Variants in TTC27 observed in about 807,000 individuals in gnomAD.
TTC27 encodes the protein tetratricopeptide repeat domain 27.
Under a neutral mutation model 115.9 loss-of-function variants are expected in TTC27, and 79 were observed. That is an observed-to-expected ratio of 0.68 (90% CI 0.57 to 0.82). TTC27 has a LOEUF of 0.82. Ranked by LOEUF, TTC27 falls within the 40% of genes least tolerant of loss-of-function variation. The pLI, the probability that TTC27 is intolerant of heterozygous loss-of-function variation, is 0.00. For synonymous variants in TTC27, 401 were observed against 356.0 expected, an observed-to-expected ratio of 1.13 and a Z score of -1.42; for missense variants, 1,054 against 993.1, an observed-to-expected ratio of 1.06 and a Z score of -0.82.
At chr2:32,815,235 T>TTTTC (rs1671461293) in intron 18 of TTC27, among the ~76,000 whole-genome samples, 1 of 118,846 alleles carries the variant, frequency 8.4e-6, no homozygotes, top group Non-Finnish European at 1.7e-5. Context: ...TTTTTTTTTT[T>TTTTC]TTTTTTTTTT....
At chr2:32,804,701 C>G (rs1403415938) in intron 16 of TTC27, among the ~76,000 whole-genome samples, 2 of 150,752 alleles carry the variant, frequency 1.3e-5, no homozygotes, top group Non-Finnish European at 3.0e-5. Context: ...TGTGATTGGC[C>G]GATGGACCCA....
intron 15 of TTC27, among the ~76,000 whole-genome samples, chr2:32,785,936 T>TGG (rs144971220): frequency 2.6e-4 from 29 of 112,568 alleles, no homozygotes; most frequent in Non-Finnish European, 4.4e-4. Flanking sequence ...AATTTCCAGT[T>TGG]ATTTTATTCA....
chr2:32,668,077 G>T (rs546568479), intron 7 of TTC27, among the ~76,000 whole-genome samples: 1 of 151,914 alleles, frequency 6.6e-6, no homozygotes, highest in South Asian at 2.1e-4. Context: ...TGTAGTCCCA[G>T]CTACTCAGGA....
At chr2:32,655,228 G>A (rs752814492) in intron 5 of TTC27, among the ~76,000 whole-genome samples, 14 of 152,132 alleles carry the variant, frequency 9.2e-5, no homozygotes, top group Middle Eastern at 3.4e-3. Context: ...CTGATCTCAT[G>A]ATCTGCTTGC....
chr2:32,699,015 T>G (rs1667094656), intron 9 of TTC27, among the ~76,000 whole-genome samples: 1 of 152,208 alleles, frequency 6.6e-6, no homozygotes, highest in Non-Finnish European at 1.5e-5. Flanking sequence ...CACCAGTCAC[T>G]GTTAGTTTTC....
At chr2:32,754,878 AC>A (rs1246449315) in intron 12 of TTC27, among the ~76,000 whole-genome samples, 12 of 136,454 alleles carry the variant, frequency 8.8e-5, no homozygotes, top group Middle Eastern at 4.2e-3. Flanking sequence ...GGGGGGGCTG[AC>A]CCCCCCCACC....
chr2:32,717,006 T>A (rs74177024), intron 10 of TTC27, among the ~76,000 whole-genome samples: 1,140 of 82,112 alleles, frequency 0.014, 8 homozygotes, highest in Non-Finnish European at 0.02. Flanking sequence ...GATTTTTTTT[T>A]AATTTTTTTT....
In TTC27 at chr2:32,755,597, GGAAAGAGAGGGAGA is replaced by G. The variant is rs1334175417; in HGVS notation, c.1453-2693_1453-2680del. Among the ~76,000 whole-genome samples, 601 of 148,086 alleles carry G rather than the reference GGAAAGAGAGGGAGA, an allele frequency of 4.1e-3. 1 individual carries two copies. Among genetic ancestry groups the G allele is most frequent in the South Asian group, 6.7e-3 (30 of 4,472 alleles). On this transcript the variant is annotated intron_variant, in intron 12 of 19. Transcript: ENST00000317907. ...GGAAAGAGAGGGAGAGGGAGACGGT[GGAAAGAGAGGGAGA>G]GGGAGACCGTGGGGAGACGGAGAGG...
At chr2:32,665,050 T>C (rs908226911) in intron 6 of TTC27, among the ~76,000 whole-genome samples, 1 of 152,022 alleles carries the variant, frequency 6.6e-6, no homozygotes, top group African/African-American at 2.4e-5. Context: ...TTTCACCATG[T>C]TGGCCAGGCT....
At chr2:32,772,256 T>G (rs1669853061) in intron 13 of TTC27, among the ~76,000 whole-genome samples, 2 of 152,196 alleles carry the variant, frequency 1.3e-5, no homozygotes, top group African/African-American at 4.8e-5. Flanking sequence ...CACACTTGGG[T>G]TGAGGAACCA....
chr2:32,757,899 A>C (rs1156309373), intron 12 of TTC27, among the ~76,000 whole-genome samples: 1 of 152,120 alleles, frequency 6.6e-6, no homozygotes, highest in Non-Finnish European at 1.5e-5. Flanking sequence ...ACAGGGTTTC[A>C]CCATATTGGC....
At chr2:32,719,387 A>C (rs1342707283) in intron 10 of TTC27, among the ~76,000 whole-genome samples, 1 of 152,210 alleles carries the variant, frequency 6.6e-6, no homozygotes, top group African/African-American at 2.4e-5. Context: ...AACCCAGATA[A>C]CAGGTATTGA....
At chr2:32,663,056 C>T (rs1421633674) in intron 5 of TTC27, among the ~76,000 whole-genome samples, 14 of 152,132 alleles carry the variant, frequency 9.2e-5, no homozygotes, top group Admixed American at 7.2e-4. Context: ...CCAGGTTGAC[C>T]AGACTGCTGT....
intron 9 of TTC27, among the ~76,000 whole-genome samples, chr2:32,688,622 A>G (rs1666715954): frequency 6.6e-6 from 1 of 152,146 alleles, no homozygotes; most frequent in Non-Finnish European, 1.5e-5. Context: ...AGACACTTGA[A>G]CAAAGATATA....
intron 16 of TTC27, among the ~76,000 whole-genome samples, chr2:32,790,840 G>A (rs1277085408): frequency 6.6e-6 from 1 of 152,076 alleles, no homozygotes; most frequent in Non-Finnish European, 1.5e-5. Flanking sequence ...TATTTCATCA[G>A]TTCTAATAGT....
intron 15 of TTC27, among the ~76,000 whole-genome samples, chr2:32,784,733 G>A (rs976636714): frequency 6.6e-6 from 1 of 152,132 alleles, no homozygotes. Context: ...TATGATTAGG[G>A]GGATCATAAG....
chr2:32,795,915 G>C (rs1291918761), intron 16 of TTC27, among the ~76,000 whole-genome samples: 2 of 151,880 alleles, frequency 1.3e-5, no homozygotes, highest in Admixed American at 1.3e-4. Context: ...ACAATTCAAG[G>C]ATGCTTGCTT....
intron 12 of TTC27, among the ~76,000 whole-genome samples, chr2:32,740,278 C>G (rs1668586197): frequency 6.6e-6 from 1 of 152,152 alleles, no homozygotes; most frequent in Admixed American, 6.5e-5. Context: ...TCTCTTGTTT[C>G]AAGGAAGCAA....
intron 16 of TTC27, among the ~76,000 whole-genome samples, chr2:32,810,580 A>G (rs528057002): frequency 8.5e-5 from 13 of 152,184 alleles, no homozygotes; most frequent in Non-Finnish European, 1.8e-4. Flanking sequence ...CTTTGGATAG[A>G]TGGAGAGGGA....
Sources: gnomAD v4.1 joint callset for allele counts (sites outside exome capture counted in the v4.1 genomes callset) on GRCh38, gnomAD v4.1.1 for gene constraint, MANE v1.5 for transcripts, NCBI Gene and HGNC (gene_info 2026-07-23, HGNC 2026-07-21) for gene names.